The following VPS37D variants were observed in gnomAD, a reference collection of about 807,000 sequenced individuals.
The protein encoded by VPS37D is vacuolar protein sorting-associated protein 37D.
In VPS37D, 5 loss-of-function variants were observed where a neutral mutation model predicts 22.0. The observed-to-expected ratio is 0.23, with a 90% CI of 0.12 to 0.48. The LOEUF is 0.48. VPS37D is among the 20% of genes least tolerant of loss of function. VPS37D has a pLI of 0.99. For missense variants in VPS37D, 384 were observed against 345.8 expected (o/e 1.11, Z -0.88); for synonymous variants, 174 against 159.3 (o/e 1.09, Z -0.69).
chr7:73,667,955 C>A lies in VPS37D; in HGVS notation c.-4C>A. On this transcript the variant is annotated 5_prime_UTR_variant, in exon 1 of 4. Transcript: ENST00000324941. ...CAGCCGAGCTGGGGGCGCGGGCGGG[C>A]GGCATGTACCGGGCCCGGGCGGCGC... 1 of 1,019,442 alleles carries A rather than the reference C, an allele frequency of 9.8e-7. No individual in the cohort carries two copies. Among genetic ancestry groups the A allele is most frequent in the Non-Finnish European group, 1.2e-6 (1 of 846,378 alleles). The allele number at this position is 1,019,442 out of a possible 1,614,324, so 63.1% of individuals were successfully genotyped here.
chr7:73,668,828 G>T (rs1365164202), intron 1 of VPS37D, among the ~76,000 whole-genome samples: 1 of 152,032 alleles, frequency 6.6e-6, no homozygotes, highest in Non-Finnish European at 1.5e-5. Flanking sequence ...AGGAAAAGGG[G>T]GTGTGTATTC....
In VPS37D at chr7:73,671,190, C is replaced by A; in HGVS notation, c.570C>A (p.Pro190=). ...QPAPTSAADP[P]KSFPAAAVLP... is the part of the protein sequence containing the mutation. ...CCCCCACCTCGGCTGCTGATCCCCC[C>A]AAATCCTTCCCGGCTGCAGCTGTCC... is the stretch of plus-strand genomic sequence containing the variant. Residue 190 remains proline, a synonymous_variant, in exon 4 of 4, where the codon CCC becomes CCA. Coordinates refer to ENST00000324941, the MANE Select transcript of VPS37D (RefSeq NM_001077621.2). 6.3e-7 allele frequency: 1 copy of A among 1,599,486 alleles called. No homozygotes were observed. Among genetic ancestry groups the A allele is most frequent in the South Asian group, 1.1e-5 (1 of 90,138 alleles).
Position 73,671,197 on chromosome 7 carries a change from T to G in VPS37D, c.577T>G (p.Phe193Val). Residue 193 changes from phenylalanine to valine, a missense_variant, in exon 4 of 4, where the codon TTC becomes GTC. By Grantham distance (50) the Phe-to-Val change is conservative. Transcript: ENST00000324941. ...PTSAADPPKS[F>V]PAAAVLPTGA... The stretch of plus-strand genomic sequence containing the variant: ...CTCGGCTGCTGATCCCCCCAAATCC[T>G]TCCCGGCTGCAGCTGTCCTGCCCAC... 1.3e-6 allele frequency: 2 copies of G among 1,594,416 alleles called. No individual in the cohort carries two copies. Among genetic ancestry groups the G allele is most frequent in the Admixed American group, 3.4e-5 (2 of 58,978 alleles).
At chr7:73,669,897 C>T in intron 2 of VPS37D, 123 bp from the exon 3 acceptor site, 1 of 1,494,188 alleles carries the variant, frequency 6.7e-7, no homozygotes, top group Non-Finnish European at 9.0e-7. Flanking sequence ...GGGCACGGTA[C>T]AGATGAGGAA....
intron 1 of VPS37D, 53 bp downstream of exon 1, chr7:73,668,149 G>A (rs1797424392): frequency 1.9e-6 from 2 of 1,035,180 alleles, no homozygotes; most frequent in Non-Finnish European, 1.2e-6. Context: ...CGGCCTGCGG[G>A]ACCTGCCGCT....
Position 73,667,875 on chromosome 7 carries a change from A to G in VPS37D, c.-84A>G, listed in dbSNP as rs1332239951. The G allele has an allele frequency of 2.4e-5, 8 of 332,034 alleles. No homozygotes were observed. The highest frequency in any genetic ancestry group is 3.4e-5 in the Non-Finnish European group (8 of 233,056). The allele number at this position is 332,034 out of a possible 1,614,324, so 20.6% of individuals were successfully genotyped here. On this transcript the variant is annotated 5_prime_UTR_variant, in exon 1 of 4. Transcript: ENST00000324941. ...GAGCCGGAGCGGATCCTGGAGCCGG[A>G]GCGGAGCGGAGCGGAGCGGAGCCGG...
rs1554609837 is a variant in VPS37D at position 73,671,618 on chromosome 7, G to A, written c.*242G>A. On this transcript the variant is annotated 3_prime_UTR_variant, in exon 4 of 4. Transcript: ENST00000324941. ...AAGACACCCTGCCTTTTTTGTTTCC[G>A]TGCCCCGGGGCCTCTAGGGTGATGG... 1.9e-5 allele frequency: 4 copies of A among 215,826 alleles called. No homozygotes were observed. The highest frequency in any genetic ancestry group is 9.1e-5 in the African/African-American group (4 of 43,808). The allele number at this position is 215,826 out of a possible 1,614,324, so 13.4% of individuals were successfully genotyped here.
intron 2 of VPS37D, 122 bp downstream of exon 2, chr7:73,669,712 C>G: frequency 1.2e-6 from 1 of 841,670 alleles, no homozygotes. Flanking sequence ...TCCTGGCTTG[C>G]TGGGCAGTAG....
chr7:73,665,905 C>A (rs1797363423), upstream of VPS37D, among the ~76,000 whole-genome samples: 1 of 152,000 alleles, frequency 6.6e-6, no homozygotes, highest in African/African-American at 2.4e-5. Context: ...GGCTGGAGTA[C>A]AGTGGCAAAA....
rs1273836298 is a variant in VPS37D, at chr7:73,667,839, G to C, written c.-120G>C. ...GGGCGCCCCCTGGCGGCGGAGCGGT[G>C]CGTGCGGCCGGAGCCGGAGCGGATC... On this transcript the variant is annotated 5_prime_UTR_variant, in exon 1 of 4. Coordinates refer to ENST00000324941, the MANE Select transcript of VPS37D (RefSeq NM_001077621.2). 2.1e-5 allele frequency: 5 copies of C among 237,794 alleles called. No homozygotes were observed. Among genetic ancestry groups the C allele is most frequent in the African/African-American group, 1.2e-4 (5 of 42,656 alleles). 14.7% of individuals were successfully genotyped at this position (237,794 alleles called of 1,614,324 possible). A position where few individuals can be genotyped will look rare whatever the true frequency, so the allele number is the denominator to read the frequency against.
chr7:73,668,917 G>A (rs1051915278), intron 1 of VPS37D, among the ~76,000 whole-genome samples: 3 of 151,958 alleles, frequency 2.0e-5, no homozygotes, highest in Non-Finnish European at 4.4e-5. Context: ...GGTGCTGTGA[G>A]GGGACGGGGT....
chr7:73,669,549 G>C lies in VPS37D; in HGVS notation c.269G>C (p.Arg90Pro). The change falls in exon 2 of 4, where the codon CGT becomes CCT. Residue 90 changes from arginine (R) to proline (P), a missense_variant. Transcript: ENST00000324941. ...AALAIKYQELREVAENCADKL... is the reference protein window; with the variant it reads ...AALAIKYQELPEVAENCADKL... ...CTGGCCATCAAATACCAGGAGCTTC[G>C]TGAGGTGGCCGAGAACTGCGCGGAC... The C allele has an allele frequency of 6.3e-7, 1 of 1,591,444 alleles. No homozygotes were observed. Among genetic ancestry groups the C allele is most frequent in the Non-Finnish European group, 8.6e-7 (1 of 1,169,092 alleles).
upstream of VPS37D, among the ~76,000 whole-genome samples, chr7:73,666,075 C>G (rs1390777046): frequency 6.6e-6 from 1 of 151,980 alleles, no homozygotes; most frequent in South Asian, 2.1e-4. Context: ...GGCTGGGTCA[C>G]TCATTGTCTG....
chr7:73,670,054 G>A lies in VPS37D; in HGVS notation c.345G>A (p.Ala115=), dbSNP rs782771456. The change falls in exon 3 of 4, where the codon GCG becomes GCA. Residue 115 remains alanine, a synonymous_variant. Coordinates refer to ENST00000324941, the MANE Select transcript of VPS37D (RefSeq NM_001077621.2). ...ESMHRWSPHC[A]LGWLQAELEE... ...TGCATCGCTGGAGTCCCCACTGCGC[G>A]CTGGGCTGGCTGCAGGCTGAGCTAG... 37 of 1,551,456 alleles carry A rather than the reference G, an allele frequency of 2.4e-5. No individual in the cohort carries two copies. Among genetic ancestry groups the A allele is most frequent in the Non-Finnish European group, 3.1e-5 (35 of 1,146,978 alleles).
In VPS37D at chr7:73,671,331, C is replaced by A. The variant is rs782527746; in HGVS notation, c.711C>A (p.Pro237=). Residue 237 remains proline, a synonymous_variant, in exon 4 of 4, where the codon CCC becomes CCA. Coordinates refer to ENST00000324941, the MANE Select transcript of VPS37D (RefSeq NM_001077621.2). ...GSPGCPLGPA[P]LLSPRPSQPE... ...CCGGGTGCCCCCTCGGCCCGGCCCCCCTGCTGAGCCCTCGGCCCTCGCAGC... is the reference window on the plus strand; with the variant it reads ...CCGGGTGCCCCCTCGGCCCGGCCCCACTGCTGAGCCCTCGGCCCTCGCAGC... 7 of 1,378,924 alleles carry A rather than the reference C, an allele frequency of 5.1e-6. No homozygotes were observed. Among genetic ancestry groups the A allele is most frequent in the Non-Finnish European group, 6.6e-6 (7 of 1,064,626 alleles). 85.4% of individuals were successfully genotyped at this position (1,378,924 alleles called of 1,614,324 possible). A position where few individuals can be genotyped will look rare whatever the true frequency, so the allele number is the denominator to read the frequency against.
Position 73,671,271 on chromosome 7 carries a change from G to T in VPS37D, c.651G>T (p.Leu217Phe). ...PPAVPRSLPP[L>F]DSRPVPPLKG... ...CAGTGCCCCGGAGCCTGCCCCCCTTGGACTCCCGCCCAGTGCCCCCACTGA... is the reference window on the plus strand; with the variant it reads ...CAGTGCCCCGGAGCCTGCCCCCCTTTGACTCCCGCCCAGTGCCCCCACTGA... The change falls in exon 4 of 4, where the codon TTG becomes TTT. Residue 217 changes from leucine to phenylalanine, a missense_variant. Coordinates refer to ENST00000324941, the MANE Select transcript of VPS37D (RefSeq NM_001077621.2). 6.8e-7 allele frequency: 1 copy of T among 1,475,748 alleles called. No homozygotes were observed. 91.4% of individuals were successfully genotyped at this position (1,475,748 alleles called of 1,614,324 possible). A position where few individuals can be genotyped will look rare whatever the true frequency, so the allele number is the denominator to read the frequency against.
chr7:73,669,428 C>T lies in VPS37D; in HGVS notation c.148C>T (p.Leu50=). ...TCCTCTCTGCCCGCAGTTCCAGGGC[C>T]TGCAGCTGGAGCGTGAGGCCTGCCT... ...IVRLSRKFQG[L]QLEREACLAS... The change falls in exon 2 of 4, where the codon CTG becomes TTG. Residue 50 remains leucine, a synonymous_variant. Transcript: ENST00000324941. 1 of 1,560,662 alleles carries T rather than the reference C, an allele frequency of 6.4e-7. No individual in the cohort carries two copies. The highest frequency in any genetic ancestry group is 8.7e-7 in the Non-Finnish European group (1 of 1,152,688).
Position 73,671,097 on chromosome 7 carries a change from C to T in VPS37D, c.477C>T (p.His159=). The stretch of plus-strand genomic sequence containing the variant: ...TCCAGCGTGGCCGCGCCCTGGCCCA[C>T]CTGAGGCGGACGCAGGCAGAGAAGC... The part of the protein sequence containing the change: ...PAFQRGRALA[H]LRRTQAEKLQ... The change falls in exon 4 of 4, where the codon CAC becomes CAT. Residue 159 remains histidine (H), a synonymous_variant. Transcript: ENST00000324941. 6.2e-7 allele frequency: 1 copy of T among 1,610,500 alleles called. No homozygotes were observed. Among genetic ancestry groups the T allele is most frequent in the Non-Finnish European group, 8.5e-7 (1 of 1,179,578 alleles).
In VPS37D at chr7:73,671,539, A is replaced by G. The variant is rs1584196236; in HGVS notation, c.*163A>G. Reference sequence around the variant, plus strand: ...GCTGGGGAGGAGGGTCCCCTGGAAGAGGCCCGAGAGGGGGCTGGGGGTGGG... The same window carrying G: ...GCTGGGGAGGAGGGTCCCCTGGAAGGGGCCCGAGAGGGGGCTGGGGGTGGG... On this transcript the variant is annotated 3_prime_UTR_variant, in exon 4 of 4. Coordinates refer to ENST00000324941, the MANE Select transcript of VPS37D (RefSeq NM_001077621.2). 1.8e-5 allele frequency: 2 copies of G among 111,010 alleles called. No individual in the cohort carries two copies. Among genetic ancestry groups the G allele is most frequent in the South Asian group, 2.4e-4 (1 of 4,212 alleles). The allele number at this position is 111,010 out of a possible 1,614,324, so 6.9% of individuals were successfully genotyped here. A position where few individuals can be genotyped will look rare whatever the true frequency, so the allele number is the denominator to read the frequency against.
Sources: gnomAD v4.1 joint callset for allele counts (sites outside exome capture counted in the v4.1 genomes callset) on GRCh38, gnomAD v4.1.1 for gene constraint, MANE v1.5 for transcripts, NCBI Gene and HGNC (gene_info 2026-07-23, HGNC 2026-07-21) for gene names.